The following UGCG variants were observed in gnomAD, a reference collection of about 807,000 sequenced individuals.
UGCG encodes the protein UDP-glucose ceramide glucosyltransferase.
In UGCG, 10 loss-of-function variants were observed where a neutral mutation model predicts 49.5. The ratio of observed to expected loss-of-function variants is 0.20; its 90% CI spans 0.12 to 0.34. The LOEUF (loss-of-function observed/expected upper bound fraction) is 0.34, where lower values mean the gene tolerates loss of function less well. UGCG is among the 10% of genes least tolerant of loss of function. UGCG has a pLI of 1.00. For synonymous variants in UGCG, 182 were observed against 158.2 expected (o/e 1.15, Z -1.13); for missense variants, 312 against 483.7 (o/e 0.65, Z 3.33).
Position 111,911,104 on chromosome 9 carries a change from C to T in UGCG, c.99-3501C>T, listed in dbSNP as rs117313300. ...GACTGAATCCAAGATAGAGAGCATC[C>T]GCATCTTCCCTCTATGGACCAGGAT... On this transcript the variant is annotated intron_variant, in intron 1 of 8. Coordinates refer to ENST00000374279, the MANE Select transcript of UGCG (RefSeq NM_003358.3). Among the ~76,000 whole-genome samples the T allele has an allele frequency of 7.0e-3, 1,063 of 152,104 alleles. 10 individuals are homozygous for T. Among genetic ancestry groups the T allele is most frequent in the East Asian group, 0.038 (195 of 5,164 alleles).
At chr9:111,921,802 A>ATTTTTTTTTTT (rs71373800) in intron 2 of UGCG, among the ~76,000 whole-genome samples, 918 of 55,512 alleles carry the variant, frequency 0.017, 199 homozygotes, top group East Asian at 0.06. Context: ...CCCCAGGGTG[A>ATTTTTTTTTTT]TTTTTTTTTT....
In UGCG at chr9:111,928,918, C is replaced by T. The variant is rs182752082; in HGVS notation, c.559-582C>T. On this transcript the variant is annotated intron_variant, in intron 5 of 8. Transcript: ENST00000374279. ...GTAGCGGATGAGAGAATTTTAGTAT[C>T]CCCGTTATGAAAAATACATTGAAAA... Among the ~76,000 whole-genome samples the T allele has an allele frequency of 1.1e-4, 16 of 152,008 alleles. No individual in the cohort carries two copies. In the South Asian group the frequency reaches 1.5e-3, roughly 14 times the overall value.
At position 111,922,930 on chromosome 9, in the gene UGCG, G is replaced by A. The variant is rs1296447778; in HGVS notation, c.322G>A (p.Val108Ile). 1 of 1,612,018 alleles carries A rather than the reference G, an allele frequency of 6.2e-7. No individual in the cohort carries two copies. Among genetic ancestry groups the A allele is most frequent in the Admixed American group, 1.7e-5 (1 of 59,864 alleles). Residue 108 changes from valine to isoleucine, a missense_variant, in exon 3 of 9, where the codon GTT becomes ATT. This residue lies in a region of UGCG where 64 missense variants were observed against 67.6 expected (regional missense o/e 0.95). Transcript: ENST00000374279. ...CKKLLGKYPN[V>I]DARLFIGGKK... ...GAAGCTTCTTGGAAAATATCCAAAT[G>A]TTGATGCTAGATTGTTTATAGGTAA... is the stretch of plus-strand genomic sequence containing the variant.
In UGCG at chr9:111,914,617, C is replaced by T. The variant is rs1042898029; in HGVS notation, c.111C>T (p.Leu37=). ...FMAIIYTRLH[L]NKKATDKQPY... ...ATTTGCTTTTTAGCCGATTACACCT[C>T]AACAAGAAGGCAACTGACAAACAGC... The change falls in exon 2 of 9, where the codon CTC becomes CTT. Residue 37 remains leucine, a synonymous_variant. Transcript: ENST00000374279. 1 of 1,613,870 alleles carries T rather than the reference C, an allele frequency of 6.2e-7. No individual in the cohort carries two copies. Among genetic ancestry groups the T allele is most frequent in the African/African-American group, 1.3e-5 (1 of 75,048 alleles).
At chr9:111,919,602 T>C (rs1225341459) in intron 2 of UGCG, among the ~76,000 whole-genome samples, 1 of 151,376 alleles carries the variant, frequency 6.6e-6, no homozygotes, top group East Asian at 1.9e-4. Flanking sequence ...CCATCCTGGC[T>C]AGCACAGTGA....
At chr9:111,929,742 G>T in intron 6 of UGCG, 64 bp downstream of exon 6, 2 of 1,574,610 alleles carry the variant, frequency 1.3e-6, no homozygotes, top group Non-Finnish European at 8.6e-7. Flanking sequence ...TATTCTTTTT[G>T]TTCAACCTAT....
At chr9:111,908,961 C>A (rs1435598229) in intron 1 of UGCG, among the ~76,000 whole-genome samples, 1 of 152,198 alleles carries the variant, frequency 6.6e-6, no homozygotes, top group African/African-American at 2.4e-5. Flanking sequence ...CTCTGTCACC[C>A]AGGCTGGAGT....
chr9:111,923,883 G>A lies in UGCG; in HGVS notation c.344-894G>A, dbSNP rs565924726. Among the ~76,000 whole-genome samples, 12 of 152,170 alleles carry A rather than the reference G, an allele frequency of 7.9e-5. No individual in the cohort carries two copies. The South Asian group carries it at 1.9e-3, about 24-fold the overall frequency. ...TGACCTCAGGTGATCCACCTGCCTC[G>A]GCCTCCCAAAGTGCTGGGATTATAG... On this transcript the variant is annotated intron_variant, in intron 3 of 8. Transcript: ENST00000374279.
chr9:111,902,834 G>A (rs976766443), intron 1 of UGCG, among the ~76,000 whole-genome samples: 1 of 151,694 alleles, frequency 6.6e-6, no homozygotes, highest in African/African-American at 2.4e-5. Flanking sequence ...CTGGATGGCA[G>A]TGGTGCGATC....
At chr9:111,922,727 C>T (rs1194330320) in intron 2 of UGCG, 122 bp from the exon 3 acceptor site, 1 of 571,766 alleles carries the variant, frequency 1.7e-6, no homozygotes, top group Non-Finnish European at 2.9e-6. Flanking sequence ...TGAATGCTCT[C>T]TTTTAAAACT....
intron 2 of UGCG, among the ~76,000 whole-genome samples, chr9:111,922,261 C>G (rs1838240874): frequency 1.3e-5 from 2 of 152,134 alleles, no homozygotes; most frequent in African/African-American, 4.8e-5. Flanking sequence ...TCGTAAATGT[C>G]CATTCAAATC....
At chr9:111,900,978 T>G (rs944370443) in intron 1 of UGCG, among the ~76,000 whole-genome samples, 1 of 152,108 alleles carries the variant, frequency 6.6e-6, no homozygotes. Flanking sequence ...CCCAAGTAGC[T>G]GGGACTACCG....
chr9:111,900,792 C>A lies in UGCG; in HGVS notation c.98+3479C>A, dbSNP rs138982322. On this transcript the variant is annotated intron_variant, in intron 1 of 8. Coordinates refer to ENST00000374279, the MANE Select transcript of UGCG (RefSeq NM_003358.3). ...ACAGGTGTGAGCCATCATGCCTGGCCCCCTGGAGATTTTTTAAGTTTTTTT... is the reference window on the plus strand; with the variant it reads ...ACAGGTGTGAGCCATCATGCCTGGCACCCTGGAGATTTTTTAAGTTTTTTT... 9.7e-3 allele frequency among the ~76,000 whole-genome samples: 1,472 copies of A among 152,122 alleles called. 25 individuals are homozygous for A. The highest frequency in any genetic ancestry group is 0.033 in the African/African-American group (1,352 of 41,472).
intron 1 of UGCG, among the ~76,000 whole-genome samples, chr9:111,912,273 T>G (rs1457051626): frequency 3.3e-5 from 5 of 151,876 alleles, no homozygotes; most frequent in Admixed American, 2.6e-4. Flanking sequence ...GCAAAGCAGT[T>G]GTTCTTTAAA....
At position 111,926,186 on chromosome 9, in the gene UGCG, G is replaced by A. The variant is rs375203599; in HGVS notation, c.446-198G>A. On this transcript the variant is annotated intron_variant, in intron 4 of 8. Transcript: ENST00000374279. Reference sequence around the variant, plus strand: ...CTAAAAAATGTATAAATTAGCTTTCGAGAATTAGGCCCTTTTGAAATTTTG... The same window carrying A: ...CTAAAAAATGTATAAATTAGCTTTCAAGAATTAGGCCCTTTTGAAATTTTG... Among the ~76,000 whole-genome samples, 59 of 152,284 alleles carry A rather than the reference G, an allele frequency of 3.9e-4. No individual in the cohort carries two copies. In the East Asian group the frequency reaches 6.4e-3, roughly 16 times the overall value.
At chr9:111,932,109 A>G in intron 7 of UGCG, 61 bp from the exon 8 acceptor site, 1 of 1,520,442 alleles carries the variant, frequency 6.6e-7, no homozygotes, top group East Asian at 2.3e-5. Flanking sequence ...GAGGGAAAAA[A>G]AAAAGGATTT....
In UGCG at chr9:111,926,861, C is replaced by CTTTTTTTTTTTT. The variant is rs56298523; in HGVS notation, c.558+383_558+394dup. 8.8e-5 allele frequency among the ~76,000 whole-genome samples: 5 copies of CTTTTTTTTTTTT among 56,848 alleles called. 1 individual carries two copies. Among genetic ancestry groups the CTTTTTTTTTTTT allele is most frequent in the Non-Finnish European group, 1.5e-4 (4 of 27,516 alleles). 37.3% of individuals were successfully genotyped at this position (56,848 alleles called of 152,430 possible). A position where few individuals can be genotyped will look rare whatever the true frequency, so the allele number is the denominator to read the frequency against. On this transcript the variant is annotated intron_variant, in intron 5 of 8. Transcript: ENST00000374279. ...GAACCGCTGGCCCCCTCCCCCCAGC[C>CTTTTTTTTTTTT]TTTTTTTTTTTTTTTTTTTTTTTTT...
rs1393726629 is a variant in UGCG, at chr9:111,932,212, T to C, written c.867T>C (p.Ile289=). The part of the protein sequence containing the change: ...LRINMLPATI[I]CEPISECFVA... ...TTAACATGCTTCCTGCTACAATAAT[T>C]TGTGAGCCAATTTCAGAATGCTTTG... The change falls in exon 8 of 9, where the codon ATT becomes ATC. Residue 289 remains isoleucine (I), a synonymous_variant. Coordinates refer to ENST00000374279, the MANE Select transcript of UGCG (RefSeq NM_003358.3). 1.9e-6 allele frequency: 3 copies of C among 1,614,024 alleles called. No homozygotes were observed. The African/African-American group carries it at 4.0e-5, about 22-fold the overall frequency.
At chr9:111,914,195 T>C (rs905301073) in intron 1 of UGCG, among the ~76,000 whole-genome samples, 4 of 152,218 alleles carry the variant, frequency 2.6e-5, no homozygotes, top group Non-Finnish European at 4.4e-5. Flanking sequence ...TTCTTCACCA[T>C]GTATTTTATT....
Sources: gnomAD v4.1 joint callset for allele counts (sites outside exome capture counted in the v4.1 genomes callset) on GRCh38, gnomAD v4.1.1 for gene constraint, gnomAD v4.1.1 regional missense constraint, MANE v1.5 for transcripts, NCBI Gene and HGNC (gene_info 2026-07-23, HGNC 2026-07-21) for gene names.